The following NRK variants were observed in gnomAD, a reference collection of about 807,000 sequenced individuals.
The protein encoded by NRK is Nik related kinase, also known as nik-related protein kinase.
Under a neutral mutation model 125.2 loss-of-function variants are expected in NRK, and 67 were observed. That is an observed-to-expected ratio of 0.54 (90% CI 0.44 to 0.66). NRK has a LOEUF of 0.66. NRK is among the 30% of genes least tolerant of loss of function. The pLI, the probability that NRK is intolerant of heterozygous loss-of-function variation, is 0.00. For missense variants in NRK, 1,224 were observed against 1,192.9 expected (o/e 1.03, Z -0.38); for synonymous variants, 458 against 429.0 (o/e 1.07, Z -0.84).
intron 14 of NRK, among the ~76,000 whole-genome samples, chrX:105,912,985 T>A (rs1212021344): frequency 3.6e-5 from 4 of 112,278 alleles, no homozygotes; most frequent in Non-Finnish European, 5.7e-5. Flanking sequence ...CATGTTAACA[T>A]AAGAAACACA....
At chrX:105,845,343 A>G (rs1027088449) in intron 2 of NRK, among the ~76,000 whole-genome samples, 1 of 111,382 alleles carries the variant, frequency 9.0e-6, no homozygotes, top group South Asian at 3.8e-4. Context: ...TTCAAATCTT[A>G]TATTCCAGGG....
chrX:105,892,176 G>A (rs1354191681), intron 5 of NRK, among the ~76,000 whole-genome samples: 6 of 111,685 alleles, frequency 5.4e-5, no homozygotes, highest in South Asian at 3.6e-4. Context: ...AAAGACCAGC[G>A]TCAATCAAAT....
chrX:105,944,596 C>T (rs1446591342), intron 24 of NRK, among the ~76,000 whole-genome samples: 2 of 111,286 alleles, frequency 1.8e-5, no homozygotes, highest in African/African-American at 6.5e-5. Flanking sequence ...GGGTGCCACC[C>T]CAATAAATTG....
chrX:105,933,210 A>ATCTG (rs1458360207), intron 19 of NRK, among the ~76,000 whole-genome samples: 1 of 110,231 alleles, frequency 9.1e-6, no homozygotes, highest in African/African-American at 3.3e-5. Context: ...CTATCTATCT[A>ATCTG]TCTATCTTAA....
intron 4 of NRK, among the ~76,000 whole-genome samples, chrX:105,886,460 ATAT>A (rs1210127948): frequency 1.9e-5 from 2 of 103,973 alleles, no homozygotes; most frequent in Admixed American, 2.2e-4. Flanking sequence ...ATATATAATT[ATAT>A]TATATATAAT....
At chrX:105,881,901 G>A in intron 4 of NRK, 122 bp downstream of exon 4, 1 of 427,431 alleles carries the variant, frequency 2.3e-6, no homozygotes, top group East Asian at 3.8e-5. Context: ...GTTCTTGCCT[G>A]AAAGTGATAA....
chrX:105,869,184 G>A (rs1424033554), intron 2 of NRK, among the ~76,000 whole-genome samples: 1 of 111,176 alleles, frequency 9.0e-6, no homozygotes, highest in East Asian at 2.9e-4. Flanking sequence ...ACCCATAAAG[G>A]TCAATTCAAG....
chrX:105,948,661 A>T, intron 26 of NRK: 7 of 507,807 alleles, frequency 1.4e-5, no homozygotes, highest in Non-Finnish European at 2.5e-5. Flanking sequence ...CAGGGAACGC[A>T]TTAAAATTGC....
rs1216736745 is a variant in NRK, at chrX:105,946,305, A to T, written c.4204-10A>T. 1 of 1,187,970 alleles carries T rather than the reference A, an allele frequency of 8.4e-7. No individual in the cohort carries two copies. On this transcript the variant is annotated splice_polypyrimidine_tract_variant and intron_variant, in intron 25 of 28. Coordinates refer to ENST00000243300, the MANE Select transcript of NRK (RefSeq NM_198465.4). ...TGGCCTTTTGGCCATATTTGGTTTT[A>T]TATTCACAGGTATTTCCAACACTTG...
intron 2 of NRK, among the ~76,000 whole-genome samples, chrX:105,847,136 C>T (rs2039413741): frequency 9.0e-6 from 1 of 111,619 alleles, no homozygotes; most frequent in African/African-American, 3.3e-5. Context: ...TACATTTGTA[C>T]ATGATATACT....
chrX:105,935,725 A>C (rs1201407905), intron 21 of NRK, among the ~76,000 whole-genome samples: 4 of 108,155 alleles, frequency 3.7e-5, no homozygotes, highest in Non-Finnish European at 5.7e-5. Context: ...TGGGAGGTGG[A>C]GGTTGCAGTG....
intron 2 of NRK, among the ~76,000 whole-genome samples, chrX:105,863,042 G>A (rs1418362028): frequency 9.0e-6 from 1 of 111,655 alleles, no homozygotes; most frequent in Non-Finnish European, 1.9e-5. Flanking sequence ...TGTATAAATG[G>A]TGGACAAGGA....
At chrX:105,859,251 A>T (rs2039570953) in intron 2 of NRK, among the ~76,000 whole-genome samples, 1 of 111,866 alleles carries the variant, frequency 8.9e-6, no homozygotes, top group Admixed American at 9.5e-5. Context: ...GCTTTATAAC[A>T]TAACCTGATT....
chrX:105,831,078 G>A lies in NRK; in HGVS notation c.82G>A (p.Asp28Asn), dbSNP rs780829493. Residue 28 changes from aspartate to asparagine, a missense_variant, in exon 2 of 29, where the codon GAT becomes AAT. Physicochemically the swap from Asp to Asn is conservative, Grantham distance 23. Transcript: ENST00000243300. ...LPDPTGIFSL[D>N]KTIGLGTYGR... Reference sequence around the variant, plus strand: ...GGATCCAACTGGAATATTCTCACTAGATAAAACCATTGGCCTTGGTACTTA... The same window carrying A: ...GGATCCAACTGGAATATTCTCACTAAATAAAACCATTGGCCTTGGTACTTA... The A allele has an allele frequency of 1.7e-6, 2 of 1,166,548 alleles. No individual in the cohort carries two copies. The highest frequency in any genetic ancestry group is 2.2e-5 in the Admixed American group (1 of 44,843).
intron 2 of NRK, among the ~76,000 whole-genome samples, chrX:105,874,372 G>C (rs2039787457): frequency 8.9e-6 from 1 of 112,194 alleles, no homozygotes; most frequent in Admixed American, 9.5e-5. Context: ...TGATCAGTTA[G>C]AAGTCAGCAA....
chrX:105,852,027 G>A (rs935833994), intron 2 of NRK, among the ~76,000 whole-genome samples: 16 of 112,018 alleles, frequency 1.4e-4, no homozygotes, highest in Admixed American at 4.8e-4. Context: ...GCAACTGTTC[G>A]AGTTTATTTG....
At chrX:105,837,185 GAT>G (rs1295364538) in intron 2 of NRK, among the ~76,000 whole-genome samples, 1 of 111,303 alleles carries the variant, frequency 9.0e-6, no homozygotes, top group East Asian at 2.8e-4. Flanking sequence ...AGAATAGTGA[GAT>G]ATTGGATTTT....
chrX:105,845,874 T>A (rs1335250485), intron 2 of NRK, among the ~76,000 whole-genome samples: 1 of 111,267 alleles, frequency 9.0e-6, no homozygotes, highest in African/African-American at 3.3e-5. Flanking sequence ...GCTGTAGGGA[T>A]CATTGACTCC....
intron 2 of NRK, among the ~76,000 whole-genome samples, chrX:105,874,888 A>T (rs1160551100): frequency 9.0e-6 from 1 of 111,639 alleles, no homozygotes; most frequent in Non-Finnish European, 1.9e-5. Flanking sequence ...ACATTAAGGG[A>T]TATGTATTCT....
Sources: gnomAD v4.1 joint callset for allele counts (sites outside exome capture counted in the v4.1 genomes callset) on GRCh38, gnomAD v4.1.1 for gene constraint, MANE v1.5 for transcripts, NCBI Gene and HGNC (gene_info 2026-07-23, HGNC 2026-07-21) for gene names.